Variants in YIPF6 observed in about 807,000 individuals in gnomAD.
The protein encoded by YIPF6 is protein YIPF6.
In YIPF6, 3 loss-of-function variants were observed where a neutral mutation model predicts 16.8. The observed-to-expected ratio is 0.18, with a 90% CI of 0.08 to 0.46. The LOEUF (loss-of-function observed/expected upper bound fraction) is 0.46, where lower values mean the gene tolerates loss of function less well. YIPF6 is among the 20% of genes least tolerant of loss of function. YIPF6 has a pLI of 0.98. For missense variants in YIPF6, 145 were observed against 184.9 expected (o/e 0.78, Z 1.25); for synonymous variants, 67 against 61.9 (o/e 1.08, Z -0.38).
intron 2 of YIPF6, 25 bp from the exon 3 acceptor site, chrX:68,513,302 A>G: frequency 8.5e-7 from 1 of 1,181,045 alleles, no homozygotes; most frequent in Non-Finnish European, 1.1e-6. Context: ...TCATCACAAT[A>G]CAACAAGTTG....
chrX:68,529,442 G>T (rs893611904), intron 6 of YIPF6, among the ~76,000 whole-genome samples: 10 of 110,501 alleles, frequency 9.0e-5, no homozygotes, highest in Admixed American at 4.9e-4. Flanking sequence ...GCTCAGAGGA[G>T]TTTGTTATTA....
chrX:68,503,966 A>T (rs2079050553), intron 1 of YIPF6, among the ~76,000 whole-genome samples: 1 of 111,961 alleles, frequency 8.9e-6, no homozygotes, highest in Non-Finnish European at 1.9e-5. Flanking sequence ...TTATCCGCCC[A>T]TCTTGGCCTC....
chrX:68,527,410 CA>C (rs201746640), intron 6 of YIPF6, among the ~76,000 whole-genome samples: 1 of 109,645 alleles, frequency 9.1e-6, no homozygotes, highest in Admixed American at 9.7e-5. Context: ...TTAATCTTTC[CA>C]AAAAAAACAG....
chrX:68,508,991 TTTG>T (rs1302920820), intron 1 of YIPF6, among the ~76,000 whole-genome samples: 2 of 111,242 alleles, frequency 1.8e-5, no homozygotes, highest in African/African-American at 3.3e-5. Context: ...CTTTGTTTGT[TTTG>T]TTGTTGTTGT....
intron 1 of YIPF6, among the ~76,000 whole-genome samples, chrX:68,504,413 A>G (rs950667027): frequency 4.5e-5 from 5 of 111,434 alleles, no homozygotes; most frequent in Non-Finnish European, 9.4e-5. Flanking sequence ...ACCTCTAGTC[A>G]TATGTGCGGT....
intron 2 of YIPF6, 90 bp downstream of exon 2, chrX:68,512,067 A>AT: frequency 1.1e-6 from 1 of 944,707 alleles, no homozygotes; most frequent in East Asian, 3.3e-5. Context: ...TGGTTCACTG[A>AT]TTTTGAATAT....
At position 68,528,980 on chromosome X, in the gene YIPF6, T is replaced by C. The variant is rs148547506; in HGVS notation, c.593-2901T>C. ...TTGGGGTTGTTCTTCTCAAGGAATA[T>C]CTTTGTGGTGTTCTCTGTATTTCCT... On this transcript the variant is annotated intron_variant, in intron 6 of 6. Coordinates refer to ENST00000462683, the MANE Select transcript of YIPF6 (RefSeq NM_173834.4). 6.7e-3 allele frequency among the ~76,000 whole-genome samples: 741 copies of C among 111,376 alleles called. 7 individuals are homozygous for C. The highest frequency in any genetic ancestry group is 0.023 in the African/African-American group (713 of 30,631).
intron 1 of YIPF6, among the ~76,000 whole-genome samples, chrX:68,509,781 A>G (rs781591970): frequency 1.4e-4 from 15 of 110,766 alleles, no homozygotes; most frequent in African/African-American, 4.6e-4. Context: ...GTGAGTTGTC[A>G]CCTGTGTTCT....
chrX:68,530,852 A>G (rs1448071337), intron 6 of YIPF6, among the ~76,000 whole-genome samples: 2 of 111,264 alleles, frequency 1.8e-5, no homozygotes, highest in Non-Finnish European at 3.8e-5. Flanking sequence ...GAAATGCACA[A>G]ATCACCTGCC....
At position 68,501,636 on chromosome X, in the gene YIPF6, C is replaced by CAT. The variant is rs760783648; in HGVS notation, c.57+2523_57+2524dup. On this transcript the variant is annotated intron_variant, in intron 1 of 6. Transcript: ENST00000462683. ...TTATATATAAGTGGATATATCCATT[C>CAT]ATATATATATAGAAGCGCAGACTTA... Among the ~76,000 whole-genome samples, 130 of 111,658 alleles carry CAT rather than the reference C, an allele frequency of 1.2e-3. 1 individual carries two copies. The highest frequency in any genetic ancestry group is 2.0e-3 in the Non-Finnish European group (107 of 53,132).
chrX:68,520,179 C>G (rs138076666), intron 4 of YIPF6, among the ~76,000 whole-genome samples: 621 of 112,512 alleles, frequency 5.5e-3, no homozygotes, highest in South Asian at 0.018. Flanking sequence ...AATACAAAAG[C>G]CTGTGCATAC....
chrX:68,518,393 T>G (rs2079112649), intron 3 of YIPF6, among the ~76,000 whole-genome samples: 1 of 111,956 alleles, frequency 8.9e-6, no homozygotes. Flanking sequence ...TGATTATACT[T>G]GCCTTGTCTA....
chrX:68,535,702 CACTT>C lies in YIPF6; in HGVS notation c.*3707_*3710del, dbSNP rs1165471354. The C allele has an allele frequency of 9.0e-6, 1 of 111,711 alleles. No homozygotes were observed. The highest frequency in any genetic ancestry group is 1.9e-5 in the Non-Finnish European group (1 of 53,197). The allele number at this position is 111,711 out of a possible 1,213,427, so 9.2% of individuals were successfully genotyped here. ...ATAATAATAGCTAACCTTTATTTGGCACTTACTGTGTGCCAGGCACTATTCTATT... is the reference window on the plus strand; with the variant it reads ...ATAATAATAGCTAACCTTTATTTGGCACTGTGTGCCAGGCACTATTCTATT... On this transcript the variant is annotated 3_prime_UTR_variant, in exon 7 of 7. Transcript: ENST00000462683.
chrX:68,507,958 A>G (rs1208830753), intron 1 of YIPF6, among the ~76,000 whole-genome samples: 1 of 110,643 alleles, frequency 9.0e-6, no homozygotes, highest in Non-Finnish European at 1.9e-5. Flanking sequence ...CTCTTTGGCT[A>G]CTTTCAAGAT....
chrX:68,520,931 G>T (rs2079123093), intron 4 of YIPF6, among the ~76,000 whole-genome samples: 1 of 111,338 alleles, frequency 9.0e-6, no homozygotes, highest in East Asian at 2.8e-4. Context: ...TGCAGTGTTG[G>T]AATGCAGGCT....
Position 68,524,502 on chromosome X carries a change from A to AATATAT in YIPF6, c.592+1598_592+1603dup, listed in dbSNP as rs900171472. ...TCATTTATTTATTTATTTGGCTAAA[A>AATATAT]ATATATATATATATATATGTTTTTA... On this transcript the variant is annotated intron_variant, in intron 6 of 6. Transcript: ENST00000462683. Among the ~76,000 whole-genome samples the AATATAT allele has an allele frequency of 6.7e-5, 7 of 104,834 alleles. No homozygotes were observed. The South Asian group carries it at 2.9e-3, about 44-fold the overall frequency. 91.0% of individuals were successfully genotyped at this position (104,834 alleles called of 115,157 possible). A position where few individuals can be genotyped will look rare whatever the true frequency, so the allele number is the denominator to read the frequency against.
rs1220510694 is a variant in YIPF6 at position 68,535,225 on chromosome X, T to C, written c.*3226T>C. ...CATGGGACTAGTAAGCATTTTACTGTTTACTATATTTGTCTTTTTATAAAC... is the reference window on the plus strand; with the variant it reads ...CATGGGACTAGTAAGCATTTTACTGCTTACTATATTTGTCTTTTTATAAAC... On this transcript the variant is annotated 3_prime_UTR_variant, in exon 7 of 7. Transcript: ENST00000462683. 8.9e-6 allele frequency: 1 copy of C among 112,478 alleles called. No homozygotes were observed. The highest frequency in any genetic ancestry group is 1.9e-5 in the Non-Finnish European group (1 of 53,354). The allele number at this position is 112,478 out of a possible 1,213,427, so 9.3% of individuals were successfully genotyped here.
intron 6 of YIPF6, among the ~76,000 whole-genome samples, chrX:68,523,689 G>C (rs947424039): frequency 1.8e-5 from 2 of 112,149 alleles, no homozygotes; most frequent in African/African-American, 6.5e-5. Context: ...CTGCTTTAAT[G>C]GATAGGCAGA....
At chrX:68,514,051 C>G (rs1341393111) in intron 3 of YIPF6, 1 of 106,495 alleles carries the variant, frequency 9.4e-6, no homozygotes, top group Non-Finnish European at 1.9e-5. Flanking sequence ...GGCAACATGG[C>G]GAGACCTCAT....
Sources: gnomAD v4.1 joint callset for allele counts (sites outside exome capture counted in the v4.1 genomes callset) on GRCh38, gnomAD v4.1.1 for gene constraint, MANE v1.5 for transcripts, NCBI Gene and HGNC (gene_info 2026-07-23, HGNC 2026-07-21) for gene names.